MESP1: variants seen among roughly 807,000 people sequenced by gnomAD.
MESP1 encodes mesoderm posterior protein 1.
In MESP1, 22 loss-of-function variants were observed where a neutral mutation model predicts 15.2. That is an observed-to-expected ratio of 1.45 (90% confidence interval 1.04 to 2.07). The LOEUF (loss-of-function observed/expected upper bound fraction) is 2.07. MESP1 is among the 30% of genes most tolerant of loss of function. The pLI, the probability that MESP1 is intolerant of heterozygous loss-of-function variation, is 0.00. For synonymous variants in MESP1, 216 were observed against 192.6 expected (o/e 1.12, Z -1.01); for missense variants, 484 against 411.9 (o/e 1.17, Z -1.51).
At chr15:89,743,264 C>G in the MESP1 span, 20 of 1,611,854 alleles carry the variant, frequency 1.2e-5, no homozygotes, top group Non-Finnish European at 1.7e-5. Flanking sequence ...AGAGGAGATT[C>G]CTCTCATCAC....
chr15:89,745,267 C>T (rs961665422), downstream of MESP1, among the ~76,000 whole-genome samples: 1 of 152,246 alleles, frequency 6.6e-6, no homozygotes, highest in African/African-American at 2.4e-5. The surrounding 1 kb of genome is among the most constrained non-coding windows in gnomAD (Gnocchi z 4.8). Flanking sequence ...ATTCACAAGG[C>T]GTCTTATGTG....
downstream of MESP1, among the ~76,000 whole-genome samples, chr15:89,745,762 T>A (rs1370780314): frequency 3.3e-5 from 5 of 150,720 alleles, no homozygotes; most frequent in Non-Finnish European, 7.4e-5. This position sits in a 1 kb window ranked among gnomAD's most constrained non-coding sequence, Gnocchi z 4.8. Flanking sequence ...AGACTCTGTG[T>A]CAAAAAAAAA....
downstream of MESP1, among the ~76,000 whole-genome samples, chr15:89,745,449 A>G (rs1036078745): frequency 6.6e-6 from 1 of 152,118 alleles, no homozygotes; most frequent in Non-Finnish European, 1.5e-5. This position sits in a 1 kb window ranked among gnomAD's most constrained non-coding sequence, Gnocchi z 4.8. Context: ...CCTCTGGGTG[A>G]CAGACCCCAT....
At chr15:89,745,763 C>CA (rs910060358), downstream of MESP1, among the ~76,000 whole-genome samples, 63 of 143,610 alleles carry the variant, frequency 4.4e-4, no homozygotes, top group Middle Eastern at 3.5e-3. The surrounding 1 kb of genome is among the most constrained non-coding windows in gnomAD (Gnocchi z 4.8). Context: ...GACTCTGTGT[C>CA]AAAAAAAAAA....
the MESP1 span, among the ~76,000 whole-genome samples, chr15:89,734,113 T>A: frequency 1.3e-5 from 2 of 152,174 alleles, no homozygotes; most frequent in African/African-American, 4.8e-5. Flanking sequence ...CCATTTGGGC[T>A]CCCTGCATGG....
chr15:89,740,306 T>G, the MESP1 span, among the ~76,000 whole-genome samples: 3 of 152,138 alleles, frequency 2.0e-5, no homozygotes, highest in Non-Finnish European at 1.5e-5. Flanking sequence ...AAGTCCTTCC[T>G]GCATTGTAGT....
chr15:89,742,531 TCTTA>T, the MESP1 span, among the ~76,000 whole-genome samples: 3 of 151,960 alleles, frequency 2.0e-5, no homozygotes, highest in African/African-American at 7.3e-5. Flanking sequence ...TTTAAACAAC[TCTTA>T]CTTTTTTTTT....
the MESP1 span, chr15:89,733,331 A>G: frequency 2.0e-6 from 2 of 987,646 alleles, no homozygotes; most frequent in Non-Finnish European, 3.0e-6. Context: ...TTGTATAGTC[A>G]TCACTCTCCT....
rs755963854 is a variant in MESP1 at position 89,750,672 on chromosome 15, C to CGCCCCT, written c.554_559dup (p.Gln185_Gly186dup). The stretch of plus-strand genomic sequence containing the variant: ...GACGGCGGATACCAGGCCCAGCCCG[C>CGCCCCT]GCCCCTGCCCCTGCCCCTCAGCCTG... On this transcript the variant is annotated inframe_insertion, in exon 1 of 2. Transcript: ENST00000300057. 32 of 1,356,502 alleles carry CGCCCCT rather than the reference C, an allele frequency of 2.4e-5. No individual in the cohort carries two copies. The highest frequency in any genetic ancestry group is 3.6e-5 in the South Asian group (2 of 55,506). The allele number at this position is 1,356,502 out of a possible 1,614,324, so 84.0% of individuals were successfully genotyped here. A position where few individuals can be genotyped will look rare whatever the true frequency, so the allele number is the denominator to read the frequency against.
At chr15:89,738,076 G>A in the MESP1 span, 11 of 1,613,624 alleles carry the variant, frequency 6.8e-6, no homozygotes, top group African/African-American at 1.5e-4. Flanking sequence ...CACCGACGAT[G>A]CTGGAATCCA....
chr15:89,750,982 T>TCTGCCCGCTGCCCAGGCGGCTG lies in MESP1; in HGVS notation c.228_249dup (p.Arg84GlnfsTer13). On this transcript the variant is annotated frameshift_variant, in exon 1 of 2. Coordinates refer to ENST00000300057, the MANE Select transcript of MESP1 (RefSeq NM_018670.4). LOFTEE classifies it high-confidence loss of function. ...TTCTCCCGCTCACTGGCGCTCTGCCTCTGCCCGCTGCCCAGGCGGCTGCTG... is the reference window on the plus strand; with the variant it reads ...TTCTCCCGCTCACTGGCGCTCTGCCTCTGCCCGCTGCCCAGGCGGCTGCTGCCCGCTGCCCAGGCGGCTGCTG... The TCTGCCCGCTGCCCAGGCGGCTG allele has an allele frequency of 7.1e-7, 1 of 1,413,268 alleles. No individual in the cohort carries two copies. The allele number at this position is 1,413,268 out of a possible 1,614,324, so 87.5% of individuals were successfully genotyped here.
downstream of MESP1, among the ~76,000 whole-genome samples, chr15:89,747,522 T>C (rs537034173): frequency 6.6e-6 from 1 of 152,264 alleles, no homozygotes; most frequent in Admixed American, 6.5e-5. Flanking sequence ...GTGCAGTCCT[T>C]CTCACTACTC....
chr15:89,750,832 C>G lies in MESP1; in HGVS notation c.400G>C (p.Gly134Arg). The change falls in exon 1 of 2, where the codon GGC (glycine) becomes CGC (arginine). Residue 134 changes from glycine (G) to arginine (R), a missense_variant. Coordinates refer to ENST00000300057, the MANE Select transcript of MESP1 (RefSeq NM_018670.4). Reference sequence around the variant, plus strand: ...AGGCCTAGCACGGCCGACAGGTGGCCGATATAGCGGATAGCCAGGCGCAGC... The same window carrying G: ...AGGCCTAGCACGGCCGACAGGTGGCGGATATAGCGGATAGCCAGGCGCAGC... ...ETLRLAIRYI[G>R]HLSAVLGLSE... 6.5e-7 allele frequency: 1 copy of G among 1,531,356 alleles called. No individual in the cohort carries two copies. Among genetic ancestry groups the G allele is most frequent in the South Asian group, 1.2e-5 (1 of 83,882 alleles). The allele number at this position is 1,531,356 out of a possible 1,614,324, so 94.9% of individuals were successfully genotyped here. A position where few individuals can be genotyped will look rare whatever the true frequency, so the allele number is the denominator to read the frequency against.
downstream of MESP1, among the ~76,000 whole-genome samples, chr15:89,745,074 C>G (rs1596142351): frequency 6.6e-6 from 1 of 152,140 alleles, no homozygotes; most frequent in East Asian, 1.9e-4. This position sits in a 1 kb window ranked among gnomAD's most constrained non-coding sequence, Gnocchi z 4.8. Flanking sequence ...AAGGAAATGA[C>G]AGGGCCATGA....
the MESP1 span, chr15:89,733,017 G>A: frequency 6.2e-7 from 1 of 1,614,020 alleles, no homozygotes; most frequent in Non-Finnish European, 8.5e-7. Flanking sequence ...ATTCCCTCTT[G>A]GGGTCGCTGC....
downstream of MESP1, among the ~76,000 whole-genome samples, chr15:89,747,004 CATAT>C: frequency 6.8e-6 from 1 of 146,466 alleles, no homozygotes; most frequent in South Asian, 2.2e-4. Context: ...CACACACACA[CATAT>C]GCTCACGCAC....
chr15:89,745,270 C>G (rs1391203382), downstream of MESP1, among the ~76,000 whole-genome samples: 1 of 152,152 alleles, frequency 6.6e-6, no homozygotes, highest in African/African-American at 2.4e-5. This position sits in a 1 kb window ranked among gnomAD's most constrained non-coding sequence, Gnocchi z 4.8. Flanking sequence ...CACAAGGCGT[C>G]TTATGTGCCA....
the MESP1 span, chr15:89,738,298 G>A: frequency 6.7e-7 from 1 of 1,493,168 alleles, no homozygotes; most frequent in Non-Finnish European, 9.0e-7. Flanking sequence ...TTGAGGGATA[G>A]TGGAGTTTCT....
the MESP1 span, among the ~76,000 whole-genome samples, chr15:89,744,331 C>A: frequency 6.6e-6 from 1 of 152,196 alleles, no homozygotes; most frequent in African/African-American, 2.4e-5. Flanking sequence ...ATGAAGGTAT[C>A]CCCGCCTGAG....
Sources: allele counts gnomAD v4.1 joint callset (sites outside exome capture counted in the v4.1 genomes callset), GRCh38; gene constraint gnomAD v4.1.1; non-coding constraint Gnocchi (gnomAD v3.1); transcripts MANE v1.5; gene names NCBI Gene and HGNC (gene_info 2026-07-23, HGNC 2026-07-21).